The following EDIL3 variants were observed in gnomAD, a reference collection of about 807,000 sequenced individuals.
The protein encoded by EDIL3 is EGF like and discoidin domains 3.
EDIL3 carries 37 observed loss-of-function variants against 67.4 expected under a neutral mutation model. The ratio of observed to expected loss-of-function variants is 0.55; its 90% CI spans 0.42 to 0.72. EDIL3 has a LOEUF of 0.72. Among genes scored for constraint, EDIL3 ranks in the 30% least tolerant of loss-of-function variants. The pLI is 0.00. For synonymous variants in EDIL3, 195 were observed against 196.3 expected, an observed-to-expected ratio of 0.99 and a Z score of 0.05; for missense variants, 527 against 586.3, an observed-to-expected ratio of 0.90 and a Z score of 1.04.
In EDIL3 at chr5:84,210,989, C is replaced by T. The variant is rs542988715; in HGVS notation, c.226+18866G>A. On this transcript the variant is annotated intron_variant, in intron 3 of 10. Transcript: ENST00000296591. ...CACTATTGTAGTAGGTTGAATGGTG[C>T]TCCGCCACCCCGCCCCCCAACCAAA... is the stretch of plus-strand genomic sequence containing the variant. Among the ~76,000 whole-genome samples the T allele has an allele frequency of 3.9e-5, 6 of 152,286 alleles. No homozygotes were observed. In the South Asian group the frequency reaches 1.2e-3, roughly 32 times the overall value.
At chr5:84,377,218 C>A (rs1331749141) in intron 1 of EDIL3, among the ~76,000 whole-genome samples, 1 of 149,560 alleles carries the variant, frequency 6.7e-6, no homozygotes, top group African/African-American at 2.5e-5. Flanking sequence ...GAGGCTGAGG[C>A]AGGAGAATGG....
At chr5:84,071,295 C>T (rs1245624542) in intron 6 of EDIL3, among the ~76,000 whole-genome samples, 1 of 152,122 alleles carries the variant, frequency 6.6e-6, no homozygotes, top group Non-Finnish European at 1.5e-5. Flanking sequence ...TGAATTTTAC[C>T]CTTCCTTCTA....
chr5:84,031,062 G>A (rs1225515859), intron 9 of EDIL3, among the ~76,000 whole-genome samples: 2 of 152,114 alleles, frequency 1.3e-5, no homozygotes, highest in Non-Finnish European at 2.9e-5. Context: ...GGTCTTTCCT[G>A]TGTGGGTGTC....
chr5:84,089,109 T>A (rs529855987), intron 6 of EDIL3, among the ~76,000 whole-genome samples: 4 of 152,240 alleles, frequency 2.6e-5, no homozygotes, highest in Non-Finnish European at 5.9e-5. Flanking sequence ...TCCCAAATGT[T>A]CCCTAACTAT....
At chr5:84,250,387 T>C (rs1744998952) in intron 2 of EDIL3, among the ~76,000 whole-genome samples, 1 of 152,128 alleles carries the variant, frequency 6.6e-6, no homozygotes, top group Non-Finnish European at 1.5e-5. Context: ...AGAAAAGCAA[T>C]GTTGTCTAGT....
Position 84,384,418 on chromosome 5 carries a change from G to A in EDIL3, c.-44C>T, listed in dbSNP as rs1374064008. On this transcript the variant is annotated 5_prime_UTR_variant, in exon 1 of 11. Coordinates refer to ENST00000296591, the MANE Select transcript of EDIL3 (RefSeq NM_005711.5). Reference sequence around the variant, plus strand: ...TGACCCCGGCTGGTCAGGGGTCGTCGCGGAGGGCAGTGTAGCCGAGGTGGC... The same window carrying A: ...TGACCCCGGCTGGTCAGGGGTCGTCACGGAGGGCAGTGTAGCCGAGGTGGC... 2 of 1,607,636 alleles carry A rather than the reference G, an allele frequency of 1.2e-6. No homozygotes were observed. The highest frequency in any genetic ancestry group is 1.7e-5 in the Admixed American group (1 of 59,596).
At chr5:84,117,641 T>C (rs1025856587) in intron 5 of EDIL3, among the ~76,000 whole-genome samples, 22 of 150,708 alleles carry the variant, frequency 1.5e-4, no homozygotes, top group African/African-American at 5.1e-4. Context: ...CATTATGAAG[T>C]AGTAAATTTT....
At chr5:84,258,295 A>G (rs1745159154) in intron 1 of EDIL3, among the ~76,000 whole-genome samples, 1 of 152,248 alleles carries the variant, frequency 6.6e-6, no homozygotes, top group African/African-American at 2.4e-5. Context: ...AAAAGCTTCA[A>G]CTTGCGATAT....
intron 4 of EDIL3, among the ~76,000 whole-genome samples, chr5:84,158,284 C>A (rs1049865847): frequency 6.6e-6 from 1 of 152,028 alleles, no homozygotes. Context: ...TACCTCTTAG[C>A]TCTGAAAGTG....
At chr5:84,078,647 T>C (rs960333894) in intron 6 of EDIL3, 3 of 152,200 alleles carry the variant, frequency 2.0e-5, no homozygotes, top group Non-Finnish European at 1.5e-5. Context: ...ATGATAATAA[T>C]GTGCCTTGAA....
intron 7 of EDIL3, 81 bp from the exon 8 acceptor site, chr5:84,064,925 C>T (rs968555161): frequency 5.7e-5 from 81 of 1,419,756 alleles, no homozygotes; most frequent in South Asian, 8.6e-5. Context: ...TATACCTTAT[C>T]GAAAATAATT....
chr5:84,119,206 C>A (rs1221626125), intron 5 of EDIL3, among the ~76,000 whole-genome samples: 3 of 91,514 alleles, frequency 3.3e-5, no homozygotes, highest in Admixed American at 1.4e-4. Context: ...GTTTTACATG[C>A]ATTTGGTTTT....
intron 2 of EDIL3, among the ~76,000 whole-genome samples, chr5:84,253,099 G>A (rs531491789): frequency 1.3e-5 from 2 of 152,162 alleles, no homozygotes; most frequent in African/African-American, 4.8e-5. Context: ...AATAGTTACT[G>A]GATTTTTACT....
At position 84,308,615 on chromosome 5, in the gene EDIL3, T is replaced by C. The variant is rs1746319190; in HGVS notation, c.68-54403A>G. Among the ~76,000 whole-genome samples the C allele has an allele frequency of 3.9e-5, 6 of 152,282 alleles. No individual in the cohort carries two copies. The South Asian group carries it at 1.2e-3, about 32-fold the overall frequency. On this transcript the variant is annotated intron_variant, in intron 1 of 10. Transcript: ENST00000296591. ...ATGTACAAAATTAAATTTAGTACTC[T>C]TTCTCAGGAAGTAATTTTTAGAAAT...
At chr5:84,268,195 C>A (rs1243645203) in intron 1 of EDIL3, among the ~76,000 whole-genome samples, 1 of 151,852 alleles carries the variant, frequency 6.6e-6, no homozygotes, top group African/African-American at 2.4e-5. Context: ...AAAGAGTTAA[C>A]TGTCCTTTGA....
At chr5:84,163,280 AT>A (rs1317720121) in intron 4 of EDIL3, among the ~76,000 whole-genome samples, 1 of 152,126 alleles carries the variant, frequency 6.6e-6, no homozygotes, top group Non-Finnish European at 1.5e-5. Flanking sequence ...ATAGCTGGCA[AT>A]AAATTTTTCC....
At chr5:84,329,350 G>T (rs1429435198) in intron 1 of EDIL3, among the ~76,000 whole-genome samples, 1 of 152,008 alleles carries the variant, frequency 6.6e-6, no homozygotes, top group African/African-American at 2.4e-5. Flanking sequence ...GTAATACTGA[G>T]ATTTTTTTCA....
intron 9 of EDIL3, among the ~76,000 whole-genome samples, chr5:84,033,567 G>T (rs1258170535): frequency 2.6e-5 from 4 of 152,032 alleles, no homozygotes; most frequent in Non-Finnish European, 4.4e-5. Flanking sequence ...AGCTGGGTGT[G>T]GTGGCACACG....
intron 3 of EDIL3, among the ~76,000 whole-genome samples, chr5:84,223,057 G>C (rs1433549688): frequency 6.6e-6 from 1 of 151,656 alleles, no homozygotes. Flanking sequence ...CATAGTCAAG[G>C]GGGTATTCCT....
Sources: allele counts gnomAD v4.1 joint callset (sites outside exome capture counted in the v4.1 genomes callset), GRCh38; gene constraint gnomAD v4.1.1; transcripts MANE v1.5; gene names NCBI Gene and HGNC (gene_info 2026-07-23, HGNC 2026-07-21).